Variants in ITGB8 observed in about 807,000 individuals in gnomAD.
ITGB8 encodes integrin subunit beta 8, also known as integrin beta-8.
Under a neutral mutation model 89.5 loss-of-function variants are expected in ITGB8, and 30 were observed. The ratio of observed to expected loss-of-function variants is 0.34; its 90% CI spans 0.25 to 0.45. ITGB8 has a LOEUF of 0.45. ITGB8 is among the 20% of genes least tolerant of loss of function. The probability of loss-of-function intolerance (pLI) is 1.00; values close to 1 mark genes in which losing one functional copy is unlikely to be tolerated. For synonymous variants in ITGB8, 335 were observed against 320.4 expected (o/e 1.05, Z -0.49); for missense variants, 836 against 933.3 (o/e 0.90, Z 1.36).
intron 6 of ITGB8, among the ~76,000 whole-genome samples, chr7:20,389,732 C>T (rs531167173): frequency 1.3e-5 from 2 of 152,160 alleles, no homozygotes; most frequent in South Asian, 2.1e-4. Flanking sequence ...TGCTTGTTCT[C>T]TTTATTCACT....
chr7:20,395,322 C>T (rs764590186), intron 8 of ITGB8, among the ~76,000 whole-genome samples: 3 of 152,098 alleles, frequency 2.0e-5, no homozygotes, highest in Non-Finnish European at 4.4e-5. Context: ...TTTCCTATGC[C>T]GTAATGATAA....
At chr7:20,406,213 T>C in intron 12 of ITGB8, 42 bp downstream of exon 12, 1 of 1,193,414 alleles carries the variant, frequency 8.4e-7, no homozygotes, top group South Asian at 1.2e-5. Context: ...AGAGTGTCTG[T>C]AGAGGATGAT....
At chr7:20,367,298 C>A in intron 3 of ITGB8, 112 bp downstream of exon 3, 1 of 793,366 alleles carries the variant, frequency 1.3e-6, no homozygotes, top group Non-Finnish European at 2.1e-6. Flanking sequence ...TTGTAGAAAC[C>A]ACAGTGGACT....
chr7:20,375,143 T>C (rs1483076717), intron 3 of ITGB8, among the ~76,000 whole-genome samples: 1 of 152,184 alleles, frequency 6.6e-6, no homozygotes, highest in Non-Finnish European at 1.5e-5. Flanking sequence ...AGTAATGAGT[T>C]TGAACATAGT....
At chr7:20,408,377 C>CA (rs3032573) in intron 12 of ITGB8, among the ~76,000 whole-genome samples, 12,323 of 97,222 alleles carry the variant, frequency 0.13, 664 homozygotes, top group South Asian at 0.32. Flanking sequence ...TACCTTATCA[C>CA]AAAAAAAAAA....
chr7:20,344,562 T>A (rs1172481585), intron 1 of ITGB8, among the ~76,000 whole-genome samples: 1 of 152,112 alleles, frequency 6.6e-6, no homozygotes, highest in African/African-American at 2.4e-5. Flanking sequence ...ACTAAATGAG[T>A]AGAGTGAGGA....
At chr7:20,386,089 T>C (rs908223352) in intron 6 of ITGB8, among the ~76,000 whole-genome samples, 2 of 152,318 alleles carry the variant, frequency 1.3e-5, no homozygotes, top group East Asian at 3.9e-4. Context: ...GGAACACTTA[T>C]TTTGTGCCAG....
At position 20,402,097 on chromosome 7, in the gene ITGB8, G is replaced by C; in HGVS notation, c.1658G>C (p.Cys553Ser). 1.2e-6 allele frequency: 2 copies of C among 1,613,168 alleles called. No individual in the cohort carries two copies. The highest frequency in any genetic ancestry group is 1.7e-6 in the Non-Finnish European group (2 of 1,179,478). ...TACTGTGAAAAGGATGACTTTTCTT[G>C]TCCATATCACCATGGAAATCTGTGT... ...GKYCEKDDFS[C>S]PYHHGNLCAG... is the part of the protein sequence containing the mutation. Residue 553 changes from cysteine (C) to serine (S), a missense_variant, in exon 10 of 14, where the codon TGT (cysteine) becomes TCT (serine). Physicochemically the swap from Cys to Ser is moderately radical, Grantham distance 112 (BLOSUM62 -1). Coordinates refer to ENST00000222573, the MANE Select transcript of ITGB8 (RefSeq NM_002214.3).
rs1030772432 is a variant in ITGB8, at chr7:20,405,988, T to G, written c.1914-74T>G. 2.6e-5 allele frequency: 23 copies of G among 896,894 alleles called. No homozygotes were observed. In the Admixed American group the frequency reaches 4.6e-4, roughly 18 times the overall value. 55.6% of individuals were successfully genotyped at this position (896,894 alleles called of 1,614,324 possible). A position where few individuals can be genotyped will look rare whatever the true frequency, so the allele number is the denominator to read the frequency against. Reference sequence around the variant, plus strand: ...TTCTGCATTGTTATTTTGTCTTTTTTTTTCTTGCAGAAAATATTATAGTCC... The same window carrying G: ...TTCTGCATTGTTATTTTGTCTTTTTGTTTCTTGCAGAAAATATTATAGTCC... On this transcript the variant is annotated intron_variant, in intron 11 of 13. Coordinates refer to ENST00000222573, the MANE Select transcript of ITGB8 (RefSeq NM_002214.3).
Position 20,363,650 on chromosome 7 carries a change from T to C in ITGB8, c.141T>C (p.Cys47=). 1 of 1,598,328 alleles carries C rather than the reference T, an allele frequency of 6.3e-7. No homozygotes were observed. The highest frequency in any genetic ancestry group is 2.2e-5 in the East Asian group (1 of 44,532). The change falls in exon 2 of 14, where the codon TGT becomes TGC. Residue 47 remains cysteine, a synonymous_variant. Transcript: ENST00000222573. Reference sequence around the variant, plus strand: ...CCTTCATTGCAGAAGACAATAGATGTGCATCTTCAAATGCAGCATCCTGTG... The same window carrying C: ...CCTTCATTGCAGAAGACAATAGATGCGCATCTTCAAATGCAGCATCCTGTG... ...LGLGQGEDNR[C]ASSNAASCAR... is the part of the protein sequence containing the mutation.
rs916985706 is a variant in ITGB8, at chr7:20,405,673, A to G, written c.1914-389A>G. ...ATGGTGTCTGTGACACACCCTAGAA[A>G]TAAGTGATATATAAATGAAAGGTTA... On this transcript the variant is annotated intron_variant, in intron 11 of 13. Transcript: ENST00000222573. 4.4e-4 allele frequency among the ~76,000 whole-genome samples: 67 copies of G among 152,196 alleles called. 1 individual carries two copies. The highest frequency in any genetic ancestry group is 1.6e-3 in the African/African-American group (66 of 41,504).
rs558100474 is a variant in ITGB8 at position 20,395,718 on chromosome 7, C to T, written c.1146+733C>T. 3.3e-5 allele frequency among the ~76,000 whole-genome samples: 5 copies of T among 152,280 alleles called. No individual in the cohort carries two copies. The South Asian group carries it at 1.0e-3, about 32-fold the overall frequency. On this transcript the variant is annotated intron_variant, in intron 8 of 13. Transcript: ENST00000222573. ...TTTACATACATGACCTCATTCAGTC[C>T]TCACACCTGACCTATAAAGCAGGTG...
At chr7:20,332,049 C>A (rs960092665) in intron 1 of ITGB8, 116 bp downstream of exon 1, 2 of 1,481,856 alleles carry the variant, frequency 1.3e-6, no homozygotes, top group African/African-American at 1.4e-5. Flanking sequence ...CAGAGAACTT[C>A]AAGGGGGCGG....
At chr7:20,384,113 C>T (rs1291579566) in intron 6 of ITGB8, among the ~76,000 whole-genome samples, 3 of 152,132 alleles carry the variant, frequency 2.0e-5, no homozygotes, top group Admixed American at 6.5e-5. Context: ...TGAAAGCTAC[C>T]TTGACTTTGA....
At chr7:20,335,848 G>A (rs987369343) in intron 1 of ITGB8, among the ~76,000 whole-genome samples, 40 of 152,048 alleles carry the variant, frequency 2.6e-4, no homozygotes, top group African/African-American at 8.9e-4. Context: ...GCCCTCCTTG[G>A]AAACAGTTTT....
intron 1 of ITGB8, among the ~76,000 whole-genome samples, chr7:20,350,603 A>G (rs1785082796): frequency 6.6e-6 from 1 of 152,238 alleles, no homozygotes; most frequent in Non-Finnish European, 1.5e-5. Flanking sequence ...TTCACAGCTC[A>G]GTGGAGGAAC....
intron 1 of ITGB8, among the ~76,000 whole-genome samples, chr7:20,344,040 C>T (rs1784845710): frequency 6.6e-6 from 1 of 152,102 alleles, no homozygotes; most frequent in South Asian, 2.1e-4. Flanking sequence ...CTGCTCAGTG[C>T]ATTTCACATT....
intron 1 of ITGB8, among the ~76,000 whole-genome samples, chr7:20,337,472 A>G (rs1784614494): frequency 6.6e-6 from 1 of 152,180 alleles, no homozygotes; most frequent in Admixed American, 6.5e-5. Flanking sequence ...AGTTTTGTGT[A>G]TTATTTACTG....
intron 1 of ITGB8, among the ~76,000 whole-genome samples, chr7:20,359,353 T>C (rs1490929554): frequency 1.3e-5 from 2 of 152,128 alleles, no homozygotes; most frequent in East Asian, 3.9e-4. Context: ...ATATAAAGAA[T>C]AAGGTGCATA....
Sources: allele counts gnomAD v4.1 joint callset (sites outside exome capture counted in the v4.1 genomes callset), GRCh38; gene constraint gnomAD v4.1.1; transcripts MANE v1.5; gene names NCBI Gene and HGNC (gene_info 2026-07-23, HGNC 2026-07-21).